Variants in ADAM18 observed in about 807,000 individuals in gnomAD.
ADAM18 encodes disintegrin and metalloproteinase domain-containing protein 18.
Under a neutral mutation model 94.4 loss-of-function variants are expected in ADAM18, and 117 were observed. The observed-to-expected ratio is 1.24, with a 90% CI of 1.07 to 1.45. ADAM18 has a LOEUF of 1.45. Ranked by LOEUF, ADAM18 falls within the 40% of genes most tolerant of loss-of-function variation. ADAM18 has a pLI of 0.00. For missense variants in ADAM18, 936 were observed against 880.0 expected (o/e 1.06, Z -0.81); for synonymous variants, 327 against 291.6 (o/e 1.12, Z -1.24).
At chr8:39,671,461 C>T (rs1257652742) in intron 14 of ADAM18, among the ~76,000 whole-genome samples, 4 of 152,138 alleles carry the variant, frequency 2.6e-5, no homozygotes, top group African/African-American at 7.2e-5. Context: ...TAAAGAGCCC[C>T]TCATCTTTTA....
At chr8:39,712,977 G>A (rs1291601853) in intron 18 of ADAM18, among the ~76,000 whole-genome samples, 1 of 152,098 alleles carries the variant, frequency 6.6e-6, no homozygotes. Flanking sequence ...AGCCCACATT[G>A]CCAAGACAAT....
At position 39,620,414 on chromosome 8, in the gene ADAM18, A is replaced by T. The variant is rs184438081; in HGVS notation, c.523-8960A>T. On this transcript the variant is annotated intron_variant, in intron 6 of 19. Coordinates refer to ENST00000265707, the MANE Select transcript of ADAM18 (RefSeq NM_014237.3). ...AAAACAAAACAAAGAAAAAATGTAA[A>T]AAAAAACCAACAACCAACCAACCAA... Among the ~76,000 whole-genome samples the T allele has an allele frequency of 3.8e-3, 563 of 149,238 alleles. 5 individuals carry two copies. Among genetic ancestry groups the T allele is most frequent in the African/African-American group, 0.013 (537 of 41,090 alleles).
At chr8:39,705,495 C>T (rs1481114375) in intron 17 of ADAM18, among the ~76,000 whole-genome samples, 1 of 152,062 alleles carries the variant, frequency 6.6e-6, no homozygotes, top group South Asian at 2.1e-4. Context: ...GAAGCTGATG[C>T]AGGAGGATTA....
chr8:39,677,262 A>T (rs1821324737), intron 14 of ADAM18, among the ~76,000 whole-genome samples, 169 bp from the exon 15 acceptor site: 1 of 152,222 alleles, frequency 6.6e-6, no homozygotes, highest in Admixed American at 6.5e-5. Flanking sequence ...TGTGTGTGTA[A>T]GATAAGACAA....
At chr8:39,630,912 C>T (rs1414571874) in intron 7 of ADAM18, among the ~76,000 whole-genome samples, 2 of 151,932 alleles carry the variant, frequency 1.3e-5, no homozygotes, top group South Asian at 2.1e-4. Context: ...TTTTAAAAAT[C>T]TTAGCCATTT....
intron 6 of ADAM18, among the ~76,000 whole-genome samples, chr8:39,617,137 C>T (rs1440934642): frequency 6.6e-6 from 1 of 151,702 alleles, no homozygotes; most frequent in East Asian, 1.9e-4. Context: ...TGTCTAATAT[C>T]TAAAATTTAC....
intron 15 of ADAM18, 144 bp downstream of exon 15, chr8:39,677,680 C>T: frequency 1.6e-6 from 1 of 612,468 alleles, no homozygotes; most frequent in South Asian, 2.6e-5. Flanking sequence ...CTATGAAATT[C>T]AGGATTTTCT....
At chr8:39,716,581 C>T (rs887699766) in intron 18 of ADAM18, among the ~76,000 whole-genome samples, 36 of 152,030 alleles carry the variant, frequency 2.4e-4, no homozygotes, top group African/African-American at 7.5e-4. Context: ...TTTCAATCTT[C>T]TTAAATTTGT....
chr8:39,715,494 T>C (rs1400654767), intron 18 of ADAM18, among the ~76,000 whole-genome samples: 1 of 146,364 alleles, frequency 6.8e-6, no homozygotes, highest in African/African-American at 2.5e-5. Flanking sequence ...AGCAAATCAA[T>C]AAAGGAAAAT....
At chr8:39,677,650 T>C (rs1192863815) in intron 15 of ADAM18, 114 bp downstream of exon 15, 4 of 636,636 alleles carry the variant, frequency 6.3e-6, no homozygotes, top group Non-Finnish European at 1.0e-5. Context: ...TATTTTCAAA[T>C]ACCAATGCAT....
At chr8:39,701,694 G>T (rs571596023) in intron 17 of ADAM18, among the ~76,000 whole-genome samples, 2 of 152,080 alleles carry the variant, frequency 1.3e-5, no homozygotes, top group African/African-American at 4.8e-5. Context: ...ATGTGTCCAT[G>T]TGTTGTCATC....
intron 17 of ADAM18, among the ~76,000 whole-genome samples, chr8:39,695,648 T>C (rs1263052724): frequency 1.3e-5 from 2 of 151,372 alleles, no homozygotes; most frequent in East Asian, 3.9e-4. Context: ...ATGAATTGAC[T>C]ACTCTAGATA....
At chr8:39,726,010 C>T (rs886677204) in intron 19 of ADAM18, among the ~76,000 whole-genome samples, 11 of 152,004 alleles carry the variant, frequency 7.2e-5, no homozygotes, top group Admixed American at 7.2e-4. Flanking sequence ...CTTTACCAAC[C>T]TTGCTCTCTT....
At chr8:39,597,058 T>A (rs531627145) in intron 2 of ADAM18, among the ~76,000 whole-genome samples, 37 of 152,290 alleles carry the variant, frequency 2.4e-4, no homozygotes, top group African/African-American at 7.9e-4. Context: ...GACATATGTC[T>A]TATTTGCTTG....
chr8:39,726,334 C>T (rs956659428), intron 19 of ADAM18, among the ~76,000 whole-genome samples: 6 of 151,356 alleles, frequency 4.0e-5, no homozygotes, highest in South Asian at 4.2e-4. Flanking sequence ...CCGTATGTTG[C>T]GTAGGCTTGT....
intron 18 of ADAM18, among the ~76,000 whole-genome samples, chr8:39,710,771 C>T (rs924980426): frequency 6.6e-6 from 1 of 152,116 alleles, no homozygotes; most frequent in Admixed American, 6.6e-5. Context: ...GACTAACTAT[C>T]CTGCTAGGCT....
At chr8:39,597,664 C>G (rs755182602) in intron 2 of ADAM18, among the ~76,000 whole-genome samples, 4 of 152,166 alleles carry the variant, frequency 2.6e-5, no homozygotes, top group Admixed American at 6.5e-5. Context: ...ATACCACAAT[C>G]TGCTAATTAC....
chr8:39,600,652 C>G (rs181842744), intron 2 of ADAM18, among the ~76,000 whole-genome samples: 1 of 152,146 alleles, frequency 6.6e-6, no homozygotes, highest in Non-Finnish European at 1.5e-5. Context: ...GACTTGCTAA[C>G]GAGCCTTAAT....
chr8:39,611,932 A>G (rs1819285864), intron 6 of ADAM18, among the ~76,000 whole-genome samples: 1 of 152,234 alleles, frequency 6.6e-6, no homozygotes, highest in African/African-American at 2.4e-5. Flanking sequence ...AAAGCAAGAA[A>G]TCAAAACATA....
Sources: allele counts gnomAD v4.1 joint callset (sites outside exome capture counted in the v4.1 genomes callset), GRCh38; gene constraint gnomAD v4.1.1; transcripts MANE v1.5; gene names NCBI Gene and HGNC (gene_info 2026-07-23, HGNC 2026-07-21).